The following MAST4 variants were observed in gnomAD, a reference collection of about 807,000 sequenced individuals.
MAST4 encodes the protein microtubule-associated serine/threonine-protein kinase 4.
In MAST4, 89 loss-of-function variants were observed where a neutral mutation model predicts 162.7. That is an observed-to-expected ratio of 0.55 (90% CI 0.46 to 0.65). The LOEUF is 0.65. Ranked by LOEUF, MAST4 falls within the 30% of genes least tolerant of loss-of-function variation. The probability of loss-of-function intolerance (pLI) is 0.00; values close to 1 mark genes in which losing one functional copy is unlikely to be tolerated. For missense variants in MAST4, 3,153 were observed against 3,374.0 expected, an observed-to-expected ratio of 0.93 and a Z score of 1.62; for synonymous variants, 1,479 against 1,361.1, an observed-to-expected ratio of 1.09 and a Z score of -1.91.
chr5:66,756,234 T>A (rs969487330), intron 1 of MAST4, among the ~76,000 whole-genome samples: 7 of 152,168 alleles, frequency 4.6e-5, no homozygotes, highest in Non-Finnish European at 7.3e-5. Flanking sequence ...TGGTAAGAAC[T>A]AACGTAGGAA....
At chr5:66,871,062 A>G (rs182718024) in intron 3 of MAST4, among the ~76,000 whole-genome samples, 2 of 152,246 alleles carry the variant, frequency 1.3e-5, no homozygotes, top group Non-Finnish European at 2.9e-5. Context: ...TGAAAAATGA[A>G]ACAAATCCCT....
intron 3 of MAST4, among the ~76,000 whole-genome samples, chr5:66,842,086 T>G (rs1469747459): frequency 1.3e-5 from 2 of 152,214 alleles, no homozygotes; most frequent in Admixed American, 1.3e-4. Context: ...CTTGTGTGTT[T>G]ATTGTACAAT....
chr5:66,598,166 G>C (rs1742321874), intron 1 of MAST4, among the ~76,000 whole-genome samples: 1 of 152,186 alleles, frequency 6.6e-6, no homozygotes, highest in Admixed American at 6.5e-5. Flanking sequence ...TAGCTTGGCA[G>C]AGATGGAACA....
At chr5:66,880,236 G>T (rs1761601350) in intron 3 of MAST4, among the ~76,000 whole-genome samples, 1 of 152,110 alleles carries the variant, frequency 6.6e-6, no homozygotes, top group Non-Finnish European at 1.5e-5. Context: ...TGTACTCATT[G>T]GCTTATGTAG....
intron 12 of MAST4, among the ~76,000 whole-genome samples, chr5:67,116,455 C>G (rs1766925465): frequency 2.0e-5 from 3 of 151,610 alleles, no homozygotes; most frequent in Admixed American, 1.3e-4. Flanking sequence ...ATCTGTCTGC[C>G]TCGGCCTCCC....
At chr5:66,743,892 C>G (rs1029519329) in intron 1 of MAST4, among the ~76,000 whole-genome samples, 2 of 152,020 alleles carry the variant, frequency 1.3e-5, no homozygotes, top group African/African-American at 4.8e-5. Context: ...GATGATTGGT[C>G]TTTGGTTCTA....
intron 3 of MAST4, among the ~76,000 whole-genome samples, chr5:66,801,833 A>G (rs887621328): frequency 1.3e-5 from 2 of 152,228 alleles, no homozygotes; most frequent in Non-Finnish European, 2.9e-5. Flanking sequence ...CATGTATTCA[A>G]ACATCATACC....
At position 66,771,561 on chromosome 5, in the gene MAST4, T is replaced by C. The variant is rs187418872; in HGVS notation, c.517+11699T>C. 4.6e-5 allele frequency among the ~76,000 whole-genome samples: 7 copies of C among 152,252 alleles called. No homozygotes were observed. In the East Asian group the frequency reaches 1.4e-3, roughly 29 times the overall value. On this transcript the variant is annotated intron_variant, in intron 2 of 28. Coordinates refer to ENST00000403625, the MANE Select transcript of MAST4 (RefSeq NM_001164664.2). ...TGAAGAAACTTAAACCAAAAATGTA[T>C]AGAGTAACAGGATCCGTGAACAGAA...
intron 1 of MAST4, among the ~76,000 whole-genome samples, chr5:66,714,420 A>G (rs1025979370): frequency 3.3e-5 from 5 of 152,182 alleles, no homozygotes; most frequent in Non-Finnish European, 7.3e-5. Flanking sequence ...CTAGGAACTG[A>G]GAAGAACAGA....
chr5:66,862,229 C>T (rs13167498), intron 3 of MAST4, among the ~76,000 whole-genome samples: 3,782 of 152,266 alleles, frequency 0.025, 74 homozygotes, highest in African/African-American at 0.05. Context: ...ATTCTGCCTT[C>T]AGAAAATTGG....
At chr5:67,081,650 C>T (rs760806903) in intron 5 of MAST4, among the ~76,000 whole-genome samples, 1 of 152,142 alleles carries the variant, frequency 6.6e-6, no homozygotes, top group Non-Finnish European at 1.5e-5. Flanking sequence ...CCAACTTCAC[C>T]ACTATGTAAT....
chr5:66,767,170 CGTGTGTGTGTGTGTGTGT>C (rs60766673), intron 2 of MAST4, among the ~76,000 whole-genome samples: 47 of 139,560 alleles, frequency 3.4e-4, no homozygotes, highest in East Asian at 8.8e-4. Context: ...GTAAAGTGCA[CGTGTGTGTGTGTGTGTGT>C]GTGTGTGTGT....
chr5:66,844,452 G>T (rs886487557), intron 3 of MAST4, among the ~76,000 whole-genome samples: 1 of 152,042 alleles, frequency 6.6e-6, no homozygotes, highest in Non-Finnish European at 1.5e-5. Context: ...GTTGTCTCTT[G>T]GTATTAACTT....
At chr5:67,144,831 A>G in intron 22 of MAST4, 35 bp downstream of exon 22, 1 of 1,558,700 alleles carries the variant, frequency 6.4e-7, no homozygotes. Flanking sequence ...TATAAGCAGT[A>G]GCTACTAGAG....
At chr5:67,104,607 T>A (rs755248773) in intron 10 of MAST4, 32 bp downstream of exon 10, 25 of 1,572,832 alleles carry the variant, frequency 1.6e-5, no homozygotes, top group Non-Finnish European at 2.1e-5. Context: ...GTTTTCTGAT[T>A]TATTTTGCTT....
At chr5:66,779,925 A>G (rs926349881) in intron 2 of MAST4, among the ~76,000 whole-genome samples, 12 of 152,172 alleles carry the variant, frequency 7.9e-5, no homozygotes, top group African/African-American at 2.9e-4. Flanking sequence ...GTTATGAAGT[A>G]TAATTTGCAA....
chr5:67,102,989 G>T (rs1452976798), intron 9 of MAST4, among the ~76,000 whole-genome samples: 1 of 152,194 alleles, frequency 6.6e-6, no homozygotes, highest in South Asian at 2.1e-4. Flanking sequence ...TCCGTTAGAA[G>T]CCTGTAGATT....
At chr5:66,937,437 G>A (rs996044632) in intron 4 of MAST4, among the ~76,000 whole-genome samples, 4 of 152,054 alleles carry the variant, frequency 2.6e-5, no homozygotes, top group Admixed American at 2.6e-4. Flanking sequence ...GTAATGGATC[G>A]GGCATTTATT....
chr5:67,058,796 AG>A (rs1166833354), intron 5 of MAST4, among the ~76,000 whole-genome samples: 1 of 152,256 alleles, frequency 6.6e-6, no homozygotes, highest in Non-Finnish European at 1.5e-5. Flanking sequence ...TTAGCGAATA[AG>A]AAAGTAGGGA....
Sources: gnomAD v4.1 joint callset for allele counts (sites outside exome capture counted in the v4.1 genomes callset) on GRCh38, gnomAD v4.1.1 for gene constraint, MANE v1.5 for transcripts, NCBI Gene and HGNC (gene_info 2026-07-23, HGNC 2026-07-21) for gene names.